The following CADM1 variants were observed in gnomAD, a reference collection of about 807,000 sequenced individuals.
CADM1 encodes cell adhesion molecule 1.
CADM1 carries 15 observed loss-of-function variants against 53.1 expected under a neutral mutation model. The observed-to-expected ratio is 0.28, with a 90% CI of 0.19 to 0.44. CADM1 has a LOEUF of 0.44. Among genes scored for constraint, CADM1 ranks in the 20% least tolerant of loss-of-function variants. CADM1 has a pLI of 1.00. For synonymous variants in CADM1, 281 were observed against 243.0 expected (o/e 1.16, Z -1.45); for missense variants, 434 against 611.3 (o/e 0.71, Z 3.06).
intron 1 of CADM1, among the ~76,000 whole-genome samples, chr11:115,453,805 C>T (rs921072989): frequency 2.6e-4 from 39 of 152,152 alleles, no homozygotes; most frequent in African/African-American, 9.4e-4. Context: ...GGTAGAGCCT[C>T]ATCAAGTATT....
chr11:115,200,582 G>A (rs1006362767), intron 8 of CADM1, among the ~76,000 whole-genome samples: 2 of 152,058 alleles, frequency 1.3e-5, no homozygotes, highest in African/African-American at 2.4e-5. Context: ...CGCAACCTCT[G>A]GTTCCTGCAT....
rs1043058980 is a variant in CADM1 at position 115,376,194 on chromosome 11, AT to A, written c.124+128076del. Among the ~76,000 whole-genome samples, 106 of 152,278 alleles carry A rather than the reference AT, an allele frequency of 7.0e-4. 1 individual carries two copies. Among genetic ancestry groups the A allele is most frequent in the African/African-American group, 2.4e-3 (100 of 41,564 alleles). On this transcript the variant is annotated intron_variant, in intron 1 of 11. Coordinates refer to ENST00000331581, the MANE Select transcript of CADM1 (RefSeq NM_001301043.2). ...AATCTTTTTGTGCTTCAGTTTTCAA[AT>A]TTGTAAATGGGGAAATAGTGCTATA...
Position 115,169,729 on chromosome 11 carries a change from C to G in CADM1, c.*6745G>C, listed in dbSNP as rs1444699962. Reference sequence around the variant, plus strand: ...CAGAAGATTCCCTTCCATAGCAATACTTTTTAATCAGGTCTGCTGTGTCTG... The same window carrying G: ...CAGAAGATTCCCTTCCATAGCAATAGTTTTTAATCAGGTCTGCTGTGTCTG... On this transcript the variant is annotated 3_prime_UTR_variant, in exon 12 of 12. Coordinates refer to ENST00000331581, the MANE Select transcript of CADM1 (RefSeq NM_001301043.2). The G allele has an allele frequency of 2.3e-6, 1 of 427,146 alleles. No individual in the cohort carries two copies. Among genetic ancestry groups the G allele is most frequent in the East Asian group, 7.1e-5 (1 of 14,064 alleles). 26.5% of individuals were successfully genotyped at this position (427,146 alleles called of 1,614,324 possible).
chr11:115,223,142 A>G (rs1032243697), intron 5 of CADM1, among the ~76,000 whole-genome samples: 2 of 152,202 alleles, frequency 1.3e-5, no homozygotes, highest in African/African-American at 4.8e-5. Context: ...ACTGATTAAA[A>G]AATAAATAAA....
chr11:115,173,746 T>C lies in CADM1; in HGVS notation c.*2728A>G, dbSNP rs1029632490. On this transcript the variant is annotated 3_prime_UTR_variant, in exon 12 of 12. Coordinates refer to ENST00000331581, the MANE Select transcript of CADM1 (RefSeq NM_001301043.2). ...CCAATACAAAATGCGAATGGGAACA[T>C]ATGGATATGGAGTTTCTTACACTGT... is the stretch of plus-strand genomic sequence containing the variant. 6.2e-6 allele frequency: 6 copies of C among 961,038 alleles called. No homozygotes were observed. Among genetic ancestry groups the C allele is most frequent in the African/African-American group, 3.5e-5 (2 of 56,372 alleles). The allele number at this position is 961,038 out of a possible 1,614,324, so 59.5% of individuals were successfully genotyped here. A position where few individuals can be genotyped will look rare whatever the true frequency, so the allele number is the denominator to read the frequency against.
chr11:115,436,248 C>T (rs1948180833), intron 1 of CADM1, among the ~76,000 whole-genome samples: 1 of 152,144 alleles, frequency 6.6e-6, no homozygotes, highest in Non-Finnish European at 1.5e-5. Context: ...CCAAGTTCTC[C>T]ATTTTTTTCT....
intron 1 of CADM1, among the ~76,000 whole-genome samples, chr11:115,491,332 G>A (rs186332705): frequency 2.0e-5 from 3 of 152,244 alleles, no homozygotes; most frequent in Admixed American, 6.5e-5. Context: ...TTGAGAGGCC[G>A]AGGTGGGCAG....
intron 1 of CADM1, among the ~76,000 whole-genome samples, chr11:115,490,507 G>T (rs530551237): frequency 2.0e-5 from 3 of 146,926 alleles, no homozygotes; most frequent in Admixed American, 7.1e-5. Flanking sequence ...CAAGCAATTC[G>T]CCTGCCTCAG....
At chr11:115,288,973 C>T (rs1221483230) in intron 1 of CADM1, among the ~76,000 whole-genome samples, 3 of 152,108 alleles carry the variant, frequency 2.0e-5, no homozygotes, top group Non-Finnish European at 4.4e-5. Context: ...TCACACTACC[C>T]CCAGGTTAGG....
chr11:115,245,590 C>A (rs1176185461), intron 1 of CADM1, among the ~76,000 whole-genome samples: 1 of 152,166 alleles, frequency 6.6e-6, no homozygotes, highest in Non-Finnish European at 1.5e-5. Flanking sequence ...CTAATCCCTA[C>A]CCGAAATAAA....
intron 1 of CADM1, among the ~76,000 whole-genome samples, chr11:115,413,727 C>G (rs1318958626): frequency 2.0e-5 from 3 of 150,340 alleles, no homozygotes; most frequent in African/African-American, 7.3e-5. Flanking sequence ...TCACTGCAAC[C>G]TCTGCTTCCA....
chr11:115,452,923 G>A (rs1948605828), intron 1 of CADM1, among the ~76,000 whole-genome samples: 1 of 152,070 alleles, frequency 6.6e-6, no homozygotes, highest in Non-Finnish European at 1.5e-5. Flanking sequence ...ATACTCAGGA[G>A]GTATCATTGC....
At chr11:115,244,475 T>C (rs1176228125) in intron 1 of CADM1, among the ~76,000 whole-genome samples, 2 of 152,244 alleles carry the variant, frequency 1.3e-5, no homozygotes, top group South Asian at 2.1e-4. Flanking sequence ...CAAATGTTTA[T>C]CCAGGGCTGG....
chr11:115,345,321 G>T (rs912629737), intron 1 of CADM1, among the ~76,000 whole-genome samples: 1 of 152,168 alleles, frequency 6.6e-6, no homozygotes, highest in African/African-American at 2.4e-5. Flanking sequence ...AATACACACA[G>T]ATGTACCCCT....
intron 5 of CADM1, among the ~76,000 whole-genome samples, chr11:115,226,437 A>G (rs12284489): frequency 0.057 from 8,718 of 152,214 alleles, 362 homozygotes; most frequent in Admixed American, 0.14. Flanking sequence ...TAGCTATCAA[A>G]GGGTTTTTAA....
chr11:115,248,255 G>C (rs1331263133), intron 1 of CADM1, among the ~76,000 whole-genome samples: 1 of 152,200 alleles, frequency 6.6e-6, no homozygotes, highest in African/African-American at 2.4e-5. Context: ...TTTCAAGGAA[G>C]ACTGTGACAA....
intron 1 of CADM1, among the ~76,000 whole-genome samples, chr11:115,288,157 A>C (rs993313308): frequency 6.6e-6 from 1 of 152,184 alleles, no homozygotes; most frequent in Non-Finnish European, 1.5e-5. Context: ...GCAATAAAAC[A>C]AGGGCCCTAC....
chr11:115,226,722 T>C (rs1456110633), intron 5 of CADM1, among the ~76,000 whole-genome samples: 1 of 152,196 alleles, frequency 6.6e-6, no homozygotes, highest in East Asian at 1.9e-4. Context: ...CAATGACTGA[T>C]CAGACTTCAG....
chr11:115,306,322 C>T (rs1944373625), intron 1 of CADM1, among the ~76,000 whole-genome samples: 1 of 151,910 alleles, frequency 6.6e-6, no homozygotes, highest in African/African-American at 2.4e-5. Flanking sequence ...TACTATAAAG[C>T]CTAGGAGTGT....
Sources: gnomAD v4.1 joint callset for allele counts (sites outside exome capture counted in the v4.1 genomes callset) on GRCh38, gnomAD v4.1.1 for gene constraint, MANE v1.5 for transcripts, NCBI Gene and HGNC (gene_info 2026-07-23, HGNC 2026-07-21) for gene names.